ADAMTSL1: variants seen among roughly 807,000 people sequenced by gnomAD.
ADAMTSL1 encodes the protein ADAMTS-like protein 1.
ADAMTSL1 carries 126 observed loss-of-function variants against 201.8 expected under a neutral mutation model. The observed-to-expected ratio is 0.62, with a 90% CI of 0.54 to 0.72. The LOEUF (loss-of-function observed/expected upper bound fraction) is 0.72, where lower values mean the gene tolerates loss of function less well. Ranked by LOEUF, ADAMTSL1 falls within the 30% of genes least tolerant of loss-of-function variation. The pLI, the probability that ADAMTSL1 is intolerant of heterozygous loss-of-function variation, is 0.00. For synonymous variants in ADAMTSL1, 1,121 were observed against 903.4 expected, an observed-to-expected ratio of 1.24 and a Z score of -4.32; for missense variants, 2,679 against 2,277.8, an observed-to-expected ratio of 1.18 and a Z score of -3.59.
intron 17 of ADAMTSL1, among the ~76,000 whole-genome samples, chr9:18,775,351 T>C (rs916263010): frequency 6.6e-6 from 1 of 152,264 alleles, no homozygotes; most frequent in Non-Finnish European, 1.5e-5. Context: ...TTTCTATGTA[T>C]GGCATTTAAA....
chr9:18,288,993 A>T (rs1833137340), intron 2 of ADAMTSL1, among the ~76,000 whole-genome samples: 1 of 152,228 alleles, frequency 6.6e-6, no homozygotes, highest in African/African-American at 2.4e-5. Context: ...ATACCAGATG[A>T]TCCTGAAAAT....
chr9:18,616,426 T>C (rs1222028023), intron 4 of ADAMTSL1, among the ~76,000 whole-genome samples: 1 of 152,246 alleles, frequency 6.6e-6, no homozygotes, highest in African/African-American at 2.4e-5. Flanking sequence ...TCAGATGTTA[T>C]TGGGACATTG....
chr9:18,424,208 TC>T (rs1411178646), intron 2 of ADAMTSL1, among the ~76,000 whole-genome samples: 1 of 152,218 alleles, frequency 6.6e-6, no homozygotes, highest in Non-Finnish European at 1.5e-5. Flanking sequence ...TTCTTCCATT[TC>T]CAAGACTCTC....
intron 2 of ADAMTSL1, among the ~76,000 whole-genome samples, chr9:18,363,386 T>C (rs1387766501): frequency 6.6e-6 from 1 of 152,228 alleles, no homozygotes; most frequent in African/African-American, 2.4e-5. Context: ...GACAAGCGTA[T>C]ACAGGATTTA....
intron 1 of ADAMTSL1, among the ~76,000 whole-genome samples, chr9:18,156,284 T>C (rs886752514): frequency 6.6e-6 from 1 of 152,008 alleles, no homozygotes; most frequent in Non-Finnish European, 1.5e-5. Context: ...ATGGTTCATC[T>C]TTATGGCCAT....
Position 18,127,104 on chromosome 9 carries a change from G to A in ADAMTSL1, c.88-36758G>A, listed in dbSNP as rs191762975. Among the ~76,000 whole-genome samples, 5 of 152,286 alleles carry A rather than the reference G, an allele frequency of 3.3e-5. No individual in the cohort carries two copies. The East Asian group carries it at 9.7e-4, about 29-fold the overall frequency. ...TGTAACTGGGAGCTCATTGTTAATG[G>A]TGTGTGACATATGGCACAGCTGTGA... On this transcript the variant is annotated intron_variant, in intron 1 of 29. Coordinates refer to the ADAMTSL1 transcript ENST00000680146.
At chr9:18,518,907 C>T (rs1315642923) in intron 2 of ADAMTSL1, among the ~76,000 whole-genome samples, 2 of 152,064 alleles carry the variant, frequency 1.3e-5, no homozygotes, top group African/African-American at 4.8e-5. Context: ...AGGGTTTCAC[C>T]ATGATGGCCA....
intron 5 of ADAMTSL1, among the ~76,000 whole-genome samples, chr9:18,632,069 A>T (rs1389751863): frequency 2.6e-5 from 4 of 152,166 alleles, no homozygotes; most frequent in Non-Finnish European, 5.9e-5. Flanking sequence ...GTGGGAGAGG[A>T]TGTGGCCCCT....
At chr9:18,162,414 C>A (rs948374911) in intron 1 of ADAMTSL1, among the ~76,000 whole-genome samples, 1 of 152,118 alleles carries the variant, frequency 6.6e-6, no homozygotes, top group East Asian at 1.9e-4. Flanking sequence ...CTGCAAAGTC[C>A]TTTTGGCCAG....
intron 9 of ADAMTSL1, among the ~76,000 whole-genome samples, chr9:18,669,109 G>A (rs913756483): frequency 6.6e-6 from 1 of 152,182 alleles, no homozygotes; most frequent in African/African-American, 2.4e-5. Flanking sequence ...CCAGCCCAAC[G>A]TAGAACAGCA....
At chr9:18,049,706 C>T (rs1401772238) in intron 1 of ADAMTSL1, among the ~76,000 whole-genome samples, 1 of 152,004 alleles carries the variant, frequency 6.6e-6, no homozygotes, top group African/African-American at 2.4e-5. Context: ...TCACTGCAAG[C>T]CCCGCCTCCC....
Position 18,085,605 on chromosome 9 carries a change from CTG to C in ADAMTSL1, c.88-78249_88-78248del, listed in dbSNP as rs531332869. Reference sequence around the variant, plus strand: ...CTGTGTGTGTGTATACGTATATACACTGTGTGTGTATACGTATATACACTGTG... The same window carrying C: ...CTGTGTGTGTGTATACGTATATACACTGTGTGTATACGTATATACACTGTG... On this transcript the variant is annotated intron_variant, in intron 1 of 29. Transcript: ENST00000680146. Among the ~76,000 whole-genome samples, 521 of 142,726 alleles carry C rather than the reference CTG, an allele frequency of 3.7e-3. 2 individuals are homozygous for C. Among genetic ancestry groups the C allele is most frequent in the Non-Finnish European group, 5.8e-3 (377 of 65,100 alleles). The allele number at this position is 142,726 out of a possible 152,430, so 93.6% of individuals were successfully genotyped here. A position where few individuals can be genotyped will look rare whatever the true frequency, so the allele number is the denominator to read the frequency against.
At chr9:18,800,302 G>A (rs1444451391) in intron 20 of ADAMTSL1, among the ~76,000 whole-genome samples, 3 of 148,798 alleles carry the variant, frequency 2.0e-5, no homozygotes, top group Admixed American at 1.4e-4. Context: ...GCTTGAACCC[G>A]GGAGGTAGAG....
At chr9:18,769,389 C>T (rs573467472) in intron 16 of ADAMTSL1, among the ~76,000 whole-genome samples, 3 of 152,254 alleles carry the variant, frequency 2.0e-5, no homozygotes, top group East Asian at 3.9e-4. Context: ...TCAGCAGGCT[C>T]CCTAAAATTT....
In ADAMTSL1 at chr9:18,516,189, G is replaced by C. The variant is rs1044931676; in HGVS notation, c.191+11233G>C. On this transcript the variant is annotated intron_variant, in intron 2 of 28. Coordinates refer to ENST00000380548, the MANE Select transcript of ADAMTSL1 (RefSeq NM_001040272.6). ...GGCCCAATTTGTAGAAAATAGAAAA[G>C]AGTTATCTGACCCTGTTTTCCTTAG... Among the ~76,000 whole-genome samples, 5 of 151,748 alleles carry C rather than the reference G, an allele frequency of 3.3e-5. No homozygotes were observed. In the East Asian group the frequency reaches 9.6e-4, roughly 29 times the overall value.
rs1201565567 is a variant in ADAMTSL1, at chr9:18,320,883, A to T, written c.207+156902A>T. ...GAAAAATTAAGATGGAGTATTTTTT[A>T]AAATGTATATTCAAAAGAAGGCAAG... is the stretch of plus-strand genomic sequence containing the variant. On this transcript the variant is annotated intron_variant, in intron 2 of 29. Coordinates refer to the ADAMTSL1 transcript ENST00000680146. 3.3e-5 allele frequency among the ~76,000 whole-genome samples: 5 copies of T among 152,242 alleles called. No homozygotes were observed. In the South Asian group the frequency reaches 6.2e-4, roughly 19 times the overall value.
chr9:18,479,015 T>G (rs1705862485), intron 1 of ADAMTSL1, among the ~76,000 whole-genome samples: 1 of 152,338 alleles, frequency 6.6e-6, no homozygotes, highest in South Asian at 2.1e-4. Flanking sequence ...CCAGAGGTGA[T>G]GTAAGTCCTA....
intron 2 of ADAMTSL1, among the ~76,000 whole-genome samples, chr9:18,514,082 A>G (rs1216779498): frequency 4.6e-5 from 7 of 152,208 alleles, no homozygotes; most frequent in Admixed American, 4.6e-4. Flanking sequence ...CACATTGGGT[A>G]ACATGGACAT....
intron 2 of ADAMTSL1, among the ~76,000 whole-genome samples, chr9:18,387,623 A>T (rs1837858707): frequency 6.6e-6 from 1 of 152,030 alleles, no homozygotes; most frequent in Non-Finnish European, 1.5e-5. Flanking sequence ...TTACACACAT[A>T]GTTCTAGTTT....
Sources: allele counts gnomAD v4.1 joint callset (sites outside exome capture counted in the v4.1 genomes callset), GRCh38; gene constraint gnomAD v4.1.1; transcripts MANE v1.5; gene names NCBI Gene and HGNC (gene_info 2026-07-23, HGNC 2026-07-21).